The following NEBL variants were observed in gnomAD, a reference collection of about 807,000 sequenced individuals.
NEBL encodes the protein nebulette, also known as LIM and SH3 protein 2.
In NEBL, 122 loss-of-function variants were observed where a neutral mutation model predicts 140.2. The ratio of observed to expected loss-of-function variants is 0.87; its 90% confidence interval spans 0.75 to 1.01. The LOEUF is 1.01. Among genes scored for constraint, NEBL ranks in the 50% least tolerant of loss-of-function variants. NEBL has a pLI of 0.00. For missense variants in NEBL, 1,365 were observed against 1,231.3 expected (o/e 1.11, Z -1.62); for synonymous variants, 436 against 398.9 (o/e 1.09, Z -1.11).
intron 11 of NEBL, among the ~76,000 whole-genome samples, chr10:20,847,628 G>A (rs1330745278): frequency 6.6e-6 from 1 of 152,058 alleles, no homozygotes; most frequent in African/African-American, 2.4e-5. Flanking sequence ...AGGGGAGGGG[G>A]TAAAGGGAAA....
intron 3 of NEBL, among the ~76,000 whole-genome samples, chr10:20,986,758 A>C (rs528877697): frequency 6.6e-6 from 1 of 152,244 alleles, no homozygotes; most frequent in South Asian, 2.1e-4. Context: ...ATGAATTTCT[A>C]TGATAGATCC....
chr10:21,281,809 T>C (rs1842997294), intron 1 of NEBL, among the ~76,000 whole-genome samples: 1 of 152,198 alleles, frequency 6.6e-6, no homozygotes, highest in Non-Finnish European at 1.5e-5. Flanking sequence ...CTAAAAGTCC[T>C]CTGTCCTCCC....
intron 3 of NEBL, among the ~76,000 whole-genome samples, chr10:21,239,592 T>G (rs1212069932): frequency 2.0e-5 from 3 of 152,158 alleles, no homozygotes; most frequent in Non-Finnish European, 4.4e-5. Context: ...CTTTGTACTC[T>G]ATTCCAGCCT....
At chr10:20,902,955 C>T (rs1847933545) in intron 4 of NEBL, among the ~76,000 whole-genome samples, 1 of 152,164 alleles carries the variant, frequency 6.6e-6, no homozygotes, top group Admixed American at 6.5e-5. Flanking sequence ...CCCTTCAGGA[C>T]TATACTGTTC....
At chr10:21,030,457 T>C in intron 2 of NEBL, 1 of 711,232 alleles carries the variant, frequency 1.4e-6, no homozygotes, top group Non-Finnish European at 2.5e-6. Flanking sequence ...CTTCTAAATC[T>C]ACCAAAACTG....
intron 2 of NEBL, among the ~76,000 whole-genome samples, chr10:21,106,645 C>T (rs1837730849): frequency 6.6e-6 from 1 of 152,116 alleles, no homozygotes; most frequent in Admixed American, 6.6e-5. Flanking sequence ...GTTCTTTTTG[C>T]TTAGGATTAT....
chr10:21,121,747 A>G (rs1838585242), intron 2 of NEBL, among the ~76,000 whole-genome samples: 1 of 152,168 alleles, frequency 6.6e-6, no homozygotes. Context: ...AACACATGAC[A>G]GTTAACTCCC....
intron 2 of NEBL, among the ~76,000 whole-genome samples, chr10:21,044,843 T>C (rs1834440355): frequency 6.6e-6 from 1 of 152,156 alleles, no homozygotes; most frequent in African/African-American, 2.4e-5. Flanking sequence ...TGCATGCCCA[T>C]TGTCCCTAAT....
intron 2 of NEBL, among the ~76,000 whole-genome samples, chr10:21,036,547 G>A (rs1208684359): frequency 6.6e-6 from 1 of 152,092 alleles, no homozygotes; most frequent in African/African-American, 2.4e-5. Flanking sequence ...AATAGGAGCA[G>A]ATTGATAGAA....
intron 2 of NEBL, among the ~76,000 whole-genome samples, chr10:21,070,894 G>C (rs559605628): frequency 6.6e-6 from 1 of 152,204 alleles, no homozygotes; most frequent in East Asian, 1.9e-4. Flanking sequence ...AATGATTTAG[G>C]CCAAGATGGC....
At chr10:20,859,026 T>G (rs1843391155) in intron 8 of NEBL, among the ~76,000 whole-genome samples, 1 of 152,160 alleles carries the variant, frequency 6.6e-6, no homozygotes, top group South Asian at 2.1e-4. Flanking sequence ...CATGTTCCTT[T>G]AAGTATATTT....
Position 21,022,064 on chromosome 10 carries a change from G to C in NEBL, c.165-1863C>G, listed in dbSNP as rs563980476. The stretch of plus-strand genomic sequence containing the variant: ...GATGGCATTTCCTCCCTGTGTGCAG[G>C]TAAAGACTCAAACACTGATTCAGAG... On this transcript the variant is annotated intron_variant, in intron 2 of 6. Transcript: ENST00000417816. 4.8e-4 allele frequency among the ~76,000 whole-genome samples: 73 copies of C among 152,198 alleles called. 2 individuals are homozygous for C. In the South Asian group the frequency reaches 0.014, roughly 30 times the overall value.
intron 7 of NEBL, among the ~76,000 whole-genome samples, chr10:20,860,593 C>T (rs1485800273): frequency 2.3e-5 from 3 of 129,422 alleles, no homozygotes; most frequent in Non-Finnish European, 4.9e-5. Flanking sequence ...AAAAACCTAG[C>T]TATTCACATG....
At chr10:20,883,096 C>A (rs570414099) in intron 4 of NEBL, among the ~76,000 whole-genome samples, 33 of 152,202 alleles carry the variant, frequency 2.2e-4, no homozygotes, top group South Asian at 6.2e-4. Flanking sequence ...CAATCTCTTT[C>A]TTAAGGTGCT....
At position 20,812,800 on chromosome 10, in the gene NEBL, C is replaced by T. The variant is rs761850076; in HGVS notation, c.2487G>A (p.Val829=). 1.9e-6 allele frequency: 3 copies of T among 1,614,024 alleles called. No individual in the cohort carries two copies. Among genetic ancestry groups the T allele is most frequent in the African/African-American group, 2.7e-5 (2 of 75,034 alleles). ...AAYKGVHPHI[V]EMDRRPGIIV... ...TGATTCCAGGTCTCCTGTCCATCTC[C>T]ACGATGTGAGGGTGGACCCCTTTAT... Residue 829 remains valine (V), a synonymous_variant, in exon 24 of 28, where the codon GTG becomes GTA. Transcript: ENST00000377122.
At chr10:20,986,461 T>C (rs1341115637) in intron 3 of NEBL, among the ~76,000 whole-genome samples, 4 of 152,212 alleles carry the variant, frequency 2.6e-5, no homozygotes, top group Non-Finnish European at 4.4e-5. Context: ...TTAATGCCTA[T>C]TAGTGTTACA....
At position 20,854,502 on chromosome 10, in the gene NEBL, A is replaced by G. The variant is rs576657673; in HGVS notation, c.904-1853T>C. On this transcript the variant is annotated intron_variant, in intron 9 of 27. Transcript: ENST00000377122. Reference sequence around the variant, plus strand: ...AATATATGTTCCCCCAAACCTAACCAGAATAAAATCAGGGAGGAAAGCACC... The same window carrying G: ...AATATATGTTCCCCCAAACCTAACCGGAATAAAATCAGGGAGGAAAGCACC... Among the ~76,000 whole-genome samples the G allele has an allele frequency of 1.3e-4, 19 of 151,948 alleles. No homozygotes were observed. The South Asian group carries it at 3.8e-3, about 30-fold the overall frequency.
chr10:21,251,102 A>G (rs564398794), intron 2 of NEBL, among the ~76,000 whole-genome samples: 151 of 152,168 alleles, frequency 9.9e-4, no homozygotes, highest in African/African-American at 3.4e-3. Flanking sequence ...TCCCTTCTAC[A>G]CTACCCAAGA....
rs527497188 is a variant in NEBL, at chr10:21,216,931, TG to T, written n.348+30989del. On this transcript the variant is annotated intron_variant and non_coding_transcript_variant, in intron 3 of 8. Transcript: ENST00000675702. ...TGAACCCAGAAGGTGGAGGTTGCAG[TG>T]AGCCAAGATCGCGCCACTGCACTCC... 1.9e-3 allele frequency among the ~76,000 whole-genome samples: 286 copies of T among 151,946 alleles called. 3 individuals carry two copies. Among genetic ancestry groups the T allele is most frequent in the African/African-American group, 6.7e-3 (277 of 41,452 alleles).
Sources: allele counts gnomAD v4.1 joint callset (sites outside exome capture counted in the v4.1 genomes callset), GRCh38; gene constraint gnomAD v4.1.1; transcripts MANE v1.5; gene names NCBI Gene and HGNC (gene_info 2026-07-23, HGNC 2026-07-21).